The following MEGF11 variants were observed in gnomAD, a reference collection of about 807,000 sequenced individuals.
MEGF11 encodes multiple EGF like domains 11.
A neutral mutation model predicts 146.6 loss-of-function variants in MEGF11; 126 were observed. That is an observed-to-expected ratio of 0.86 (90% CI 0.74 to 1.00). MEGF11 has a LOEUF of 1.00. MEGF11 is among the 50% of genes least tolerant of loss of function. The pLI, the probability that MEGF11 is intolerant of heterozygous loss-of-function variation, is 0.00. For synonymous variants in MEGF11, 532 were observed against 583.4 expected (o/e 0.91, Z 1.27); for missense variants, 1,509 against 1,521.2 (o/e 0.99, Z 0.13).
At chr15:66,221,724 A>G (rs1196746591) in intron 1 of MEGF11, among the ~76,000 whole-genome samples, 1 of 152,072 alleles carries the variant, frequency 6.6e-6, no homozygotes, top group Non-Finnish European at 1.5e-5. Flanking sequence ...TTCCCTAAAG[A>G]ACAATCTCTC....
intron 1 of MEGF11, among the ~76,000 whole-genome samples, chr15:66,211,516 T>C (rs1597154264): frequency 1.0e-5 from 1 of 95,958 alleles, no homozygotes; most frequent in African/African-American, 4.1e-5. Flanking sequence ...AGAGTGAGAC[T>C]CAGTCTCAAA....
intron 5 of MEGF11, among the ~76,000 whole-genome samples, chr15:66,018,050 G>A (rs1320921502): frequency 2.0e-5 from 3 of 152,222 alleles, no homozygotes; most frequent in Admixed American, 6.5e-5. Context: ...AGGGAGCGGG[G>A]AGGAAGGGCA....
At chr15:66,107,061 CA>C (rs200966704) in intron 4 of MEGF11, among the ~76,000 whole-genome samples, 11 of 88,496 alleles carry the variant, frequency 1.2e-4, no homozygotes, top group African/African-American at 3.3e-4. Context: ...CCTACCCCCC[CA>C]CCAGGTATAG....
At chr15:65,933,042 G>A (rs1443751993) in intron 10 of MEGF11, among the ~76,000 whole-genome samples, 1 of 152,122 alleles carries the variant, frequency 6.6e-6, no homozygotes, top group East Asian at 1.9e-4. Context: ...TCCTATGTGG[G>A]CCACAGAGAG....
At chr15:66,240,360 T>C (rs908951112) in intron 1 of MEGF11, among the ~76,000 whole-genome samples, 2 of 152,208 alleles carry the variant, frequency 1.3e-5, no homozygotes, top group African/African-American at 2.4e-5. Flanking sequence ...CACTTCCCCT[T>C]GTGGGAAGGC....
intron 4 of MEGF11, among the ~76,000 whole-genome samples, chr15:66,108,952 G>C (rs2140840735): frequency 1.3e-5 from 2 of 152,276 alleles, no homozygotes; most frequent in Middle Eastern, 6.8e-3. Flanking sequence ...ACAACCAAAG[G>C]CTTCCCTTCA....
intron 5 of MEGF11, among the ~76,000 whole-genome samples, chr15:65,999,436 G>A (rs1369017849): frequency 6.6e-6 from 1 of 152,138 alleles, no homozygotes; most frequent in Non-Finnish European, 1.5e-5. Context: ...TTCCTCCTTA[G>A]AGAAGCTTCA....
At chr15:65,955,061 G>A (rs1357200142) in intron 10 of MEGF11, among the ~76,000 whole-genome samples, 1 of 152,084 alleles carries the variant, frequency 6.6e-6, no homozygotes, top group Non-Finnish European at 1.5e-5. Context: ...AAGTTAATAG[G>A]TTCTTCTCTC....
intron 23 of MEGF11, chr15:65,906,803 G>C (rs1029971188): frequency 1.3e-5 from 2 of 152,210 alleles, no homozygotes; most frequent in African/African-American, 4.8e-5. Flanking sequence ...TGTGCCATTT[G>C]CACATAATGT....
chr15:66,043,065 G>A (rs1002230279), intron 5 of MEGF11, among the ~76,000 whole-genome samples: 1 of 152,186 alleles, frequency 6.6e-6, no homozygotes, highest in African/African-American at 2.4e-5. Context: ...AGTCCTTCAG[G>A]CAAACAAGGC....
intron 1 of MEGF11, among the ~76,000 whole-genome samples, chr15:66,211,473 A>G (rs368571836): frequency 3.8e-4 from 57 of 151,068 alleles, no homozygotes; most frequent in African/African-American, 4.6e-4. Flanking sequence ...GCAGTGAGCC[A>G]AGATGGCACC....
At chr15:66,087,406 A>T (rs4776721) in intron 5 of MEGF11, among the ~76,000 whole-genome samples, 30,842 of 152,178 alleles carry the variant, frequency 0.2, 3,279 homozygotes, top group East Asian at 0.39. Flanking sequence ...TTTCTCCAAG[A>T]GAGACCATAT....
At position 65,897,837 on chromosome 15, in the gene MEGF11, G is replaced by A; in HGVS notation, c.*97C>T. 8.8e-6 allele frequency: 10 copies of A among 1,139,066 alleles called. No individual in the cohort carries two copies. Among genetic ancestry groups the A allele is most frequent in the Middle Eastern group, 3.1e-4 (1 of 3,180 alleles). The allele number at this position is 1,139,066 out of a possible 1,614,324, so 70.6% of individuals were successfully genotyped here. On this transcript the variant is annotated 3_prime_UTR_variant, in exon 26 of 26. Transcript: ENST00000395614. ...TGAACGTAATAACTAACATGCAGCT[G>A]GAGCCAGTCTGTACCATTACTTCAA... is the stretch of plus-strand genomic sequence containing the variant.
intron 1 of MEGF11, among the ~76,000 whole-genome samples, chr15:66,169,825 C>T (rs903760228): frequency 7.2e-5 from 11 of 152,180 alleles, no homozygotes; most frequent in Admixed American, 2.0e-4. Context: ...GCAGGAGCAC[C>T]GCGGCAGCCG....
chr15:66,047,583 G>A (rs2084262871), intron 5 of MEGF11, among the ~76,000 whole-genome samples: 1 of 152,216 alleles, frequency 6.6e-6, no homozygotes, highest in Admixed American at 6.5e-5. Context: ...AACACCTGGT[G>A]TCTAGAATAG....
At chr15:66,199,832 T>TA (rs1343511677) in intron 1 of MEGF11, among the ~76,000 whole-genome samples, 5 of 151,748 alleles carry the variant, frequency 3.3e-5, no homozygotes, top group South Asian at 4.2e-4. Context: ...GCTAACAATG[T>TA]AAAAAAAGTC....
At chr15:66,038,721 C>T (rs952754420) in intron 5 of MEGF11, among the ~76,000 whole-genome samples, 5 of 152,158 alleles carry the variant, frequency 3.3e-5, no homozygotes, top group Admixed American at 2.0e-4. Context: ...GGCTGAACCC[C>T]GGTTCTGCCT....
At chr15:65,946,341 G>A (rs1207307272) in intron 10 of MEGF11, among the ~76,000 whole-genome samples, 3 of 152,186 alleles carry the variant, frequency 2.0e-5, no homozygotes, top group Non-Finnish European at 2.9e-5. Context: ...AGGTTTCCCT[G>A]ACTCAAAGTC....
At chr15:66,089,418 T>G (rs1305302744) in intron 5 of MEGF11, among the ~76,000 whole-genome samples, 1 of 152,112 alleles carries the variant, frequency 6.6e-6, no homozygotes. Context: ...ACGTGGAAAA[T>G]AATGGGAAAC....
Sources: allele counts gnomAD v4.1 joint callset (sites outside exome capture counted in the v4.1 genomes callset), GRCh38; gene constraint gnomAD v4.1.1; transcripts MANE v1.5; gene names NCBI Gene and HGNC (gene_info 2026-07-23, HGNC 2026-07-21).